CSK: variants seen among roughly 807,000 people sequenced by gnomAD.
CSK encodes C-terminal Src kinase.
A neutral mutation model predicts 62.3 loss-of-function variants in CSK; 7 were observed. The observed-to-expected ratio is 0.11, with a 90% CI of 0.06 to 0.21. CSK has a LOEUF of 0.21. Ranked by LOEUF, CSK falls within the 10% of genes least tolerant of loss-of-function variation. The pLI is 1.00. For synonymous variants in CSK, 237 were observed against 246.0 expected (o/e 0.96, Z 0.34); for missense variants, 294 against 613.5 (o/e 0.48, Z 5.50).
intron 9 of CSK, 110 bp downstream of exon 9, chr15:74,801,212 G>A (rs2063787604): frequency 4.1e-6 from 5 of 1,216,414 alleles, no homozygotes; most frequent in Non-Finnish European, 6.0e-6. Flanking sequence ...GAGCTTTTAG[G>A]TCACCAGGGC....
chr15:74,802,142 C>T (rs529612563), intron 12 of CSK, 59 bp downstream of exon 12: 50 of 1,552,484 alleles, frequency 3.2e-5, no homozygotes, highest in Non-Finnish European at 3.9e-5. Flanking sequence ...TTGGCAGGGG[C>T]GTGAGCCTCC....
intron 1 of CSK, among the ~76,000 whole-genome samples, chr15:74,787,631 A>C (rs2063544083): frequency 6.6e-6 from 1 of 151,994 alleles, no homozygotes; most frequent in Admixed American, 6.6e-5. Context: ...TTCTCATCAC[A>C]CACTAGCTGT....
intron 1 of CSK, among the ~76,000 whole-genome samples, chr15:74,792,498 A>T (rs1453710855): frequency 6.6e-6 from 1 of 152,220 alleles, no homozygotes; most frequent in African/African-American, 2.4e-5. Flanking sequence ...GACTCAGAGC[A>T]TCTGACACCC....
Position 74,796,357 on chromosome 15 carries a change from G to A in CSK, c.-65-1876G>A, listed in dbSNP as rs186389081. ...AGGAAGAGGAAGAGTTGGTCTTGCC[G>A]TCACAGAGGTGGCAGAGGTGGAGGC... On this transcript the variant is annotated intron_variant, in intron 1 of 12. Transcript: ENST00000220003. Among the ~76,000 whole-genome samples, 183 of 152,238 alleles carry A rather than the reference G, an allele frequency of 1.2e-3. 3 individuals are homozygous for A. The South Asian group carries it at 0.023, about 19-fold the overall frequency.
At chr15:74,788,372 G>C in intron 1 of CSK, among the ~76,000 whole-genome samples, 1 of 152,192 alleles carries the variant, frequency 6.6e-6, no homozygotes, top group African/African-American at 2.4e-5. Flanking sequence ...AAGGTGGGAA[G>C]AAAGGTCCCC....
intron 11 of CSK, 51 bp downstream of exon 11, chr15:74,801,941 C>T: frequency 4.3e-6 from 7 of 1,609,354 alleles, no homozygotes; most frequent in Non-Finnish European, 5.9e-6. Context: ...AGTCCTGGGT[C>T]ACTCCCCACC....
At position 74,802,730 on chromosome 15, in the gene CSK, A is replaced by G. The variant is rs1009874138; in HGVS notation, c.*217A>G. 10 of 541,688 alleles carry G rather than the reference A, an allele frequency of 1.8e-5. No individual in the cohort carries two copies. The highest frequency in any genetic ancestry group is 3.1e-5 in the Non-Finnish European group (10 of 323,978). The allele number at this position is 541,688 out of a possible 1,614,324, so 33.6% of individuals were successfully genotyped here. A position where few individuals can be genotyped will look rare whatever the true frequency, so the allele number is the denominator to read the frequency against. On this transcript the variant is annotated 3_prime_UTR_variant, in exon 13 of 13. Coordinates refer to ENST00000220003, the MANE Select transcript of CSK (RefSeq NM_004383.3). ...TGAGGGGCCAGGGAGGAAGGAGGCC[A>G]CGGAGCGGGAGGCAGCGCCCCACCA... is the stretch of plus-strand genomic sequence containing the variant.
chr15:74,787,681 T>C (rs2063545079), intron 1 of CSK, among the ~76,000 whole-genome samples: 1 of 152,022 alleles, frequency 6.6e-6, no homozygotes, highest in Non-Finnish European at 1.5e-5. Flanking sequence ...CACCCCTCCT[T>C]CTGTGGTCTG....
intron 1 of CSK, among the ~76,000 whole-genome samples, chr15:74,786,685 G>A (rs966008734): frequency 1.3e-5 from 2 of 152,134 alleles, no homozygotes; most frequent in African/African-American, 4.8e-5. Flanking sequence ...TACTTTTGTG[G>A]AGACCAGGGT....
intron 1 of CSK, among the ~76,000 whole-genome samples, chr15:74,791,857 G>A (rs1230387318): frequency 3.3e-5 from 5 of 152,178 alleles, no homozygotes; most frequent in South Asian, 4.1e-4. Flanking sequence ...GTGTCCATGC[G>A]TCACCTTGCT....
At chr15:74,783,573 G>T (rs1238091738) in intron 1 of CSK, among the ~76,000 whole-genome samples, 3 of 152,228 alleles carry the variant, frequency 2.0e-5, no homozygotes, top group Non-Finnish European at 4.4e-5. Context: ...ATGGCTGTGG[G>T]TGGAAGGAAA....
chr15:74,783,151 G>A (rs2063463096), intron 1 of CSK, among the ~76,000 whole-genome samples: 2 of 151,854 alleles, frequency 1.3e-5, no homozygotes, highest in African/African-American at 4.9e-5. Flanking sequence ...CCATGACCCT[G>A]CGGGCTGCAA....
chr15:74,795,156 G>C (rs2063685511), intron 1 of CSK, among the ~76,000 whole-genome samples: 1 of 152,046 alleles, frequency 6.6e-6, no homozygotes, highest in Non-Finnish European at 1.5e-5. Context: ...TGCCTTCCCT[G>C]GCCCGCCCTC....
chr15:74,799,100 G>A lies in CSK; in HGVS notation c.242+162G>A. On this transcript the variant is annotated intron_variant, in intron 4 of 12. Coordinates refer to ENST00000220003, the MANE Select transcript of CSK (RefSeq NM_004383.3). ...CGGGACCTCACAGAGCAGGGCTGGG[G>A]GCAGAGGCAGGAGGGTGGCAAAGAA... is the stretch of plus-strand genomic sequence containing the variant. The A allele has an allele frequency of 3.2e-6, 3 of 948,246 alleles. No individual in the cohort carries two copies. In the South Asian group the frequency reaches 5.1e-5, roughly 16 times the overall value. The allele number at this position is 948,246 out of a possible 1,614,324, so 58.7% of individuals were successfully genotyped here.
In CSK at chr15:74,801,731, C is replaced by T. The variant is rs1371402636; in HGVS notation, c.924C>T (p.Asn308=). ...AGGCCATGGAATACCTGGAGGGCAACAATTTCGTGCATCGAGACCTGGCTG... is the reference window on the plus strand; with the variant it reads ...AGGCCATGGAATACCTGGAGGGCAATAATTTCGTGCATCGAGACCTGGCTG... ...VCEAMEYLEG[N]NFVHRDLAAR... Residue 308 remains asparagine (N), a synonymous_variant, in exon 11 of 13, where the codon AAC becomes AAT. Transcript: ENST00000220003. The T allele has an allele frequency of 6.2e-7, 1 of 1,613,986 alleles. No homozygotes were observed. The highest frequency in any genetic ancestry group is 8.5e-7 in the Non-Finnish European group (1 of 1,179,930).
At position 74,802,400 on chromosome 15, in the gene CSK, G is replaced by T. The variant is rs775701272; in HGVS notation, c.1240G>T (p.Ala414Ser). The change falls in exon 13 of 13, where the codon GCA becomes TCA. Residue 414 changes from alanine to serine, a missense_variant. Transcript: ENST00000220003. ...KMDAPDGCPPAVYEVMKNCWH... is the reference protein window; with the variant it reads ...KMDAPDGCPPSVYEVMKNCWH... ...GGATGCCCCCGACGGCTGCCCGCCC[G>T]CAGTCTATGAAGTCATGAAGAACTG... 3 of 1,612,080 alleles carry T rather than the reference G, an allele frequency of 1.9e-6. No homozygotes were observed. Among genetic ancestry groups the T allele is most frequent in the South Asian group, 1.1e-5 (1 of 90,956 alleles).
chr15:74,801,009 C>T lies in CSK; in HGVS notation c.723-3C>T. On this transcript the variant is annotated splice_region_variant and splice_polypyrimidine_tract_variant and intron_variant, in intron 8 of 12. Coordinates refer to ENST00000220003, the MANE Select transcript of CSK (RefSeq NM_004383.3). The stretch of plus-strand genomic sequence containing the variant: ...CTTTCTGACCACTCTCGTCCTGCCC[C>T]AGGCAACTGCGGCATAGCAACCTGG... 2 of 1,613,288 alleles carry T rather than the reference C, an allele frequency of 1.2e-6. No individual in the cohort carries two copies. Among genetic ancestry groups the T allele is most frequent in the Non-Finnish European group, 1.7e-6 (2 of 1,180,010 alleles).
intron 8 of CSK, 27 bp from the exon 9 acceptor site, chr15:74,800,985 T>G (rs1240325500): frequency 6.2e-6 from 10 of 1,613,076 alleles, no homozygotes; most frequent in Non-Finnish European, 8.5e-6. Flanking sequence ...CAGCTTCCCC[T>G]TTCTGACCAC....
At position 74,801,827 on chromosome 15, in the gene CSK, C is replaced by T; in HGVS notation, c.1020C>T (p.Ser340=). The T allele has an allele frequency of 2.5e-6, 4 of 1,613,804 alleles. No individual in the cohort carries two copies. The highest frequency in any genetic ancestry group is 1.1e-5 in the South Asian group (1 of 91,082). Residue 340 remains serine (S), a synonymous_variant, in exon 11 of 13, where the codon TCC becomes TCT. Transcript: ENST00000220003. Reference sequence around the variant, plus strand: ...ACTTTGGTCTCACCAAGGAGGCGTCCAGCACCCAGGACACGGGCAAGCTGC... The same window carrying T: ...ACTTTGGTCTCACCAAGGAGGCGTCTAGCACCCAGGACACGGGCAAGCTGC... ...VSDFGLTKEA[S]STQDTGKLPV...
Sources: gnomAD v4.1 joint callset for allele counts (sites outside exome capture counted in the v4.1 genomes callset) on GRCh38, gnomAD v4.1.1 for gene constraint, MANE v1.5 for transcripts, NCBI Gene and HGNC (gene_info 2026-07-23, HGNC 2026-07-21) for gene names.